The following CIT variants were observed in gnomAD, a reference collection of about 807,000 sequenced individuals.
The protein encoded by CIT is citron Rho-interacting kinase.
CIT carries 79 observed loss-of-function variants against 272.7 expected under a neutral mutation model. That is an observed-to-expected ratio of 0.29 (90% CI 0.24 to 0.35). CIT has a LOEUF of 0.35. Ranked by LOEUF, CIT falls within the 10% of genes least tolerant of loss-of-function variation. The pLI is 1.00. For synonymous variants in CIT, 948 were observed against 995.6 expected (o/e 0.95, Z 0.90); for missense variants, 1,909 against 2,618.3 (o/e 0.73, Z 5.91).
chr12:119,783,781 T>A, intron 12 of CIT, 127 bp downstream of exon 12: 2 of 1,202,572 alleles, frequency 1.7e-6, no homozygotes, highest in South Asian at 3.5e-5. Context: ...CTTGCTTTTG[T>A]GCTCTCCCTC....
At chr12:119,855,116 T>C (rs185206903) in intron 4 of CIT, among the ~76,000 whole-genome samples, 14 of 150,528 alleles carry the variant, frequency 9.3e-5, no homozygotes, top group African/African-American at 2.7e-4. Context: ...AGTGAGACCC[T>C]CTCTCTAAAA....
In CIT at chr12:119,709,785, AGAGTGTGTGTGT is replaced by A. The variant is rs1422723468; in HGVS notation, c.5071+454_5071+465del. Among the ~76,000 whole-genome samples, 96 of 52,476 alleles carry A rather than the reference AGAGTGTGTGTGT, an allele frequency of 1.8e-3. 2 individuals carry two copies. The highest frequency in any genetic ancestry group is 5.1e-3 in the East Asian group (9 of 1,752). The allele number at this position is 52,476 out of a possible 152,430, so 34.4% of individuals were successfully genotyped here. On this transcript the variant is annotated intron_variant, in intron 39 of 47. Coordinates refer to ENST00000392521, the MANE Select transcript of CIT (RefSeq NM_001206999.2). ...GAAAGAGAGAGAGAGAGAGAGAGAGAGAGTGTGTGTGTGTGTGTGTGTGTGTGTGTGTGTGTG... is the reference window on the plus strand; with the variant it reads ...GAAAGAGAGAGAGAGAGAGAGAGAGAGTGTGTGTGTGTGTGTGTGTGTGTG...
chr12:119,726,591 A>G (rs1005380230), intron 28 of CIT, among the ~76,000 whole-genome samples: 35 of 152,202 alleles, frequency 2.3e-4, no homozygotes, highest in Admixed American at 7.2e-4. Context: ...TATTTCTATC[A>G]GCAAAGTGCC....
At chr12:119,765,708 G>A (rs1181415678) in intron 19 of CIT, among the ~76,000 whole-genome samples, 2 of 151,784 alleles carry the variant, frequency 1.3e-5, no homozygotes, top group African/African-American at 4.8e-5. Context: ...CTAGACTCAA[G>A]TGATTCACCC....
Position 119,845,895 on chromosome 12 carries a change from C to T in CIT, c.516+4279G>A, listed in dbSNP as rs545480159. On this transcript the variant is annotated intron_variant, in intron 5 of 47. Transcript: ENST00000392521. ...GGCAGAGGTTGCAGTGAGCCGAGAA[C>T]ACGCCACTGCACTACAGCCTGGGCA... Among the ~76,000 whole-genome samples, 4 of 151,348 alleles carry T rather than the reference C, an allele frequency of 2.6e-5. No homozygotes were observed. The East Asian group carries it at 5.8e-4, about 22-fold the overall frequency.
chr12:119,717,419 C>CTTTTTTTTTTTTTTTTTTTTTT (rs60611060), intron 32 of CIT, among the ~76,000 whole-genome samples: 2 of 54,230 alleles, frequency 3.7e-5, no homozygotes, highest in Non-Finnish European at 8.3e-5. Flanking sequence ...CTTTTCTTTT[C>CTTTTTTTTTTTTTTTTTTTTTT]TTTTTTTTTT....
intron 28 of CIT, among the ~76,000 whole-genome samples, chr12:119,722,697 T>C (rs771701666): frequency 2.6e-5 from 4 of 152,220 alleles, no homozygotes; most frequent in African/African-American, 7.2e-5. Flanking sequence ...TTTCTTCATC[T>C]GAAAGTGGGT....
At position 119,728,586 on chromosome 12, in the gene CIT, C is replaced by T. The variant is rs780458601; in HGVS notation, c.3507G>A (p.Lys1169=). The T allele has an allele frequency of 5.0e-6, 8 of 1,612,648 alleles. No individual in the cohort carries two copies. The highest frequency in any genetic ancestry group is 6.8e-6 in the Non-Finnish European group (8 of 1,179,162). ...GGGCATTCATTTCAAGCATAGCATG[C>T]TTCTTCTCCAGGTCATTGAGCTAGA... The part of the protein sequence containing the change: ...LSDKLNDLEK[K]HAMLEMNARS... Residue 1169 remains lysine (K), a synonymous_variant, in exon 28 of 48, where the codon AAG becomes AAA. Coordinates refer to ENST00000392521, the MANE Select transcript of CIT (RefSeq NM_001206999.2). The surrounding 1 kb of genome is among the most constrained non-coding windows in gnomAD (Gnocchi z 4.3).
chr12:119,803,286 G>A lies in CIT; in HGVS notation c.1215C>T (p.Ser405=), dbSNP rs1593806692. ...GTTCTTCACCCGAGAAGCCTGAGGG[G>A]CTCAGCTGGCACGGAGAGGATGAAA... ...SWVSSSPCQL[S]PSGFSGEELP... The change falls in exon 10 of 48, where the codon AGC becomes AGT. Residue 405 remains serine (S), a synonymous_variant. Coordinates refer to ENST00000392521, the MANE Select transcript of CIT (RefSeq NM_001206999.2). The A allele has an allele frequency of 3.7e-6, 6 of 1,610,380 alleles. No individual in the cohort carries two copies. The highest frequency in any genetic ancestry group is 5.1e-6 in the Non-Finnish European group (6 of 1,178,320).
chr12:119,765,906 G>A (rs1962403047), intron 19 of CIT, among the ~76,000 whole-genome samples: 1 of 152,142 alleles, frequency 6.6e-6, no homozygotes. Context: ...GGAAAGAAAA[G>A]GAAATCAGTA....
intron 32 of CIT, 114 bp from the exon 33 acceptor site, chr12:119,714,448 G>A (rs1957339166): frequency 9.2e-7 from 1 of 1,088,254 alleles, no homozygotes; most frequent in South Asian, 1.6e-5. Flanking sequence ...TCTCTGATAA[G>A]GGACTCATAT....
At chr12:119,726,936 A>G (rs1565947805) in intron 28 of CIT, among the ~76,000 whole-genome samples, 1 of 152,214 alleles carries the variant, frequency 6.6e-6, no homozygotes, top group Non-Finnish European at 1.5e-5. Context: ...CAGGGCACAC[A>G]TTATTTTTAA....
chr12:119,714,998 A>G (rs1957376097), intron 32 of CIT, among the ~76,000 whole-genome samples: 2 of 152,380 alleles, frequency 1.3e-5, no homozygotes, highest in Admixed American at 6.5e-5. Flanking sequence ...TGCAGCTGCC[A>G]TAATTCCCAT....
rs1419709972 is a variant in CIT, at chr12:119,717,834, CTTTCTTTTTTTT to C, written c.4168+399_4168+410del. Among the ~76,000 whole-genome samples the C allele has an allele frequency of 5.3e-4, 37 of 70,242 alleles. 1 individual carries two copies. Among genetic ancestry groups the C allele is most frequent in the African/African-American group, 1.7e-3 (34 of 20,108 alleles). 46.1% of individuals were successfully genotyped at this position (70,242 alleles called of 152,430 possible). A position where few individuals can be genotyped will look rare whatever the true frequency, so the allele number is the denominator to read the frequency against. ...GGATGGGGAGCCAGGAGACTGACTT[CTTTCTTTTTTTT>C]TTTTTTTTTTTTGAGATGGAGTTTC... On this transcript the variant is annotated intron_variant, in intron 32 of 47. Coordinates refer to ENST00000392521, the MANE Select transcript of CIT (RefSeq NM_001206999.2).
At position 119,784,915 on chromosome 12, in the gene CIT, GA is replaced by G. The variant is rs1176942778; in HGVS notation, c.1401+44del. 6.2e-7 allele frequency: 1 copy of G among 1,608,926 alleles called. No homozygotes were observed. The highest frequency in any genetic ancestry group is 2.2e-5 in the East Asian group (1 of 44,810). The stretch of plus-strand genomic sequence containing the variant: ...CGGATCCCTTGGCATATACGGACGG[GA>G]GGATCCTGGAGCAAGGAAGGAGGCC... On this transcript the variant is annotated intron_variant, in intron 11 of 47. Coordinates refer to ENST00000392521, the MANE Select transcript of CIT (RefSeq NM_001206999.2). This position sits in a 1 kb window ranked among gnomAD's most constrained non-coding sequence, Gnocchi z 4.7.
intron 9 of CIT, among the ~76,000 whole-genome samples, chr12:119,807,113 C>T (rs1374948703): frequency 2.0e-5 from 3 of 152,190 alleles, no homozygotes; most frequent in Non-Finnish European, 4.4e-5. Context: ...GGCCCTGCCC[C>T]ATACCCATGG....
In CIT at chr12:119,767,081, C is replaced by A. The variant is rs1434011346; in HGVS notation, c.2304+6G>T. On this transcript the variant is annotated splice_donor_region_variant and intron_variant, in intron 19 of 47. Transcript: ENST00000392521. The stretch of plus-strand genomic sequence containing the variant: ...AAGGCCAGGGAAGATCAGAAAATGT[C>A]TTTACTTTAATCTTTTCCTCATAGT... The A allele has an allele frequency of 6.2e-7, 1 of 1,605,228 alleles. No individual in the cohort carries two copies. Among genetic ancestry groups the A allele is most frequent in the East Asian group, 2.2e-5 (1 of 44,686 alleles).
intron 9 of CIT, among the ~76,000 whole-genome samples, chr12:119,820,337 G>T (rs1396575519): frequency 6.6e-6 from 1 of 152,046 alleles, no homozygotes; most frequent in Admixed American, 6.6e-5. Flanking sequence ...GATCACCTGA[G>T]GTCAGGAGCT....
In CIT at chr12:119,686,824, T is replaced by A. The variant is rs750662144; in HGVS notation, c.*1408A>T. 6.6e-6 allele frequency: 1 copy of A among 152,648 alleles called. No homozygotes were observed. Among genetic ancestry groups the A allele is most frequent in the Non-Finnish European group, 1.5e-5 (1 of 68,070 alleles). 9.5% of individuals were successfully genotyped at this position (152,648 alleles called of 1,614,324 possible). The stretch of plus-strand genomic sequence containing the variant: ...CTAATAGGAGGGTCCGCAGACCCAG[T>A]GGGAGCCGCACTGCACCTAAGGACT... On this transcript the variant is annotated 3_prime_UTR_variant, in exon 48 of 48. Transcript: ENST00000392521.
Sources: gnomAD v4.1 joint callset for allele counts (sites outside exome capture counted in the v4.1 genomes callset) on GRCh38, gnomAD v4.1.1 for gene constraint, Gnocchi (gnomAD v3.1) non-coding constraint, MANE v1.5 for transcripts, NCBI Gene and HGNC (gene_info 2026-07-23, HGNC 2026-07-21) for gene names.